GULP1: variants seen among roughly 807,000 people sequenced by gnomAD.
The protein encoded by GULP1 is PTB domain-containing engulfment adapter protein 1.
In GULP1, 19 loss-of-function variants were observed where a neutral mutation model predicts 40.9. The observed-to-expected ratio is 0.46, with a 90% confidence interval of 0.32 to 0.68. GULP1 has a LOEUF of 0.68. Ranked by LOEUF, GULP1 falls within the 30% of genes least tolerant of loss-of-function variation. The pLI is 0.03. For missense variants in GULP1, 312 were observed against 362.2 expected, an observed-to-expected ratio of 0.86 and a Z score of 1.12; for synonymous variants, 119 against 117.6, an observed-to-expected ratio of 1.01 and a Z score of -0.08.
chr2:188,370,879 G>A (rs1272321825), intron 1 of GULP1, among the ~76,000 whole-genome samples: 1 of 152,174 alleles, frequency 6.6e-6, no homozygotes, highest in Non-Finnish European at 1.5e-5. Context: ...GTGTGTGTGT[G>A]TGATGATTGT....
At chr2:188,566,794 CAAAAAAAAA>C (rs11350294) in intron 7 of GULP1, among the ~76,000 whole-genome samples, 3 of 26,918 alleles carry the variant, frequency 1.1e-4, no homozygotes, top group South Asian at 2.6e-3. Context: ...GACTCCATCT[CAAAAAAAAA>C]AAAAAAAAAA....
At chr2:188,555,624 T>C (rs1246687861) in intron 7 of GULP1, among the ~76,000 whole-genome samples, 1 of 152,224 alleles carries the variant, frequency 6.6e-6, no homozygotes, top group Non-Finnish European at 1.5e-5. Flanking sequence ...CGCTTTCCTC[T>C]TGCTGTTTTT....
At chr2:188,458,610 A>T (rs1024700574) in intron 2 of GULP1, among the ~76,000 whole-genome samples, 3 of 152,178 alleles carry the variant, frequency 2.0e-5, no homozygotes, top group Admixed American at 1.3e-4. Flanking sequence ...CAGACATGCA[A>T]TGCATAATAA....
At chr2:188,323,661 T>A (rs2040332527) in intron 1 of GULP1, among the ~76,000 whole-genome samples, 2 of 97,172 alleles carry the variant, frequency 2.1e-5, no homozygotes, top group Non-Finnish European at 4.9e-5. Flanking sequence ...TGTGTGTGTG[T>A]GTGTGTGTGT....
chr2:188,554,420 T>C (rs1032747241), intron 7 of GULP1, among the ~76,000 whole-genome samples: 2 of 151,952 alleles, frequency 1.3e-5, no homozygotes, highest in Non-Finnish European at 2.9e-5. Context: ...CAGGAGCATG[T>C]TGTTTAATTT....
chr2:188,513,640 A>G (rs1458718295), intron 4 of GULP1, among the ~76,000 whole-genome samples: 2 of 152,178 alleles, frequency 1.3e-5, no homozygotes, highest in African/African-American at 2.4e-5. Flanking sequence ...GTGAACATAT[A>G]TTAATATTAA....
chr2:188,318,805 C>T (rs549427574), intron 1 of GULP1, among the ~76,000 whole-genome samples: 2 of 152,266 alleles, frequency 1.3e-5, no homozygotes, highest in South Asian at 2.1e-4. Context: ...CTTTTAGCTG[C>T]TATTCTAGGC....
chr2:188,419,454 G>A (rs2055061513), intron 2 of GULP1, among the ~76,000 whole-genome samples: 1 of 151,742 alleles, frequency 6.6e-6, no homozygotes, highest in African/African-American at 2.4e-5. Context: ...TTGGATTAGT[G>A]ATGCTGAGAA....
At chr2:188,520,787 G>A (rs564751335) in intron 4 of GULP1, among the ~76,000 whole-genome samples, 6 of 151,960 alleles carry the variant, frequency 3.9e-5, no homozygotes, top group South Asian at 2.1e-4. Context: ...AATATAATTC[G>A]CTTGCCCTAC....
At chr2:188,335,635 A>G (rs2042159186) in intron 1 of GULP1, among the ~76,000 whole-genome samples, 1 of 152,174 alleles carries the variant, frequency 6.6e-6, no homozygotes, top group Non-Finnish European at 1.5e-5. Flanking sequence ...GGCTATTTTC[A>G]GTGACTTCCG....
At chr2:188,573,945 C>T (rs535018504) in intron 9 of GULP1, among the ~76,000 whole-genome samples, 318 of 152,230 alleles carry the variant, frequency 2.1e-3, no homozygotes, top group African/African-American at 7.4e-3. Context: ...TTTTTCAAGT[C>T]ACAGAAAGGT....
intron 1 of GULP1, among the ~76,000 whole-genome samples, chr2:188,372,440 A>G (rs2047722191): frequency 6.6e-6 from 1 of 152,022 alleles, no homozygotes; most frequent in Non-Finnish European, 1.5e-5. Flanking sequence ...CTCTGACATC[A>G]CTTGTTGGAA....
chr2:188,375,593 C>G (rs915261289), intron 1 of GULP1, among the ~76,000 whole-genome samples: 1 of 152,146 alleles, frequency 6.6e-6, no homozygotes. Context: ...TTCATTAATA[C>G]TGAAATGTAT....
intron 1 of GULP1, among the ~76,000 whole-genome samples, chr2:188,343,112 A>G (rs1184910943): frequency 6.6e-6 from 1 of 152,172 alleles, no homozygotes; most frequent in Non-Finnish European, 1.5e-5. Flanking sequence ...GACATCAGAC[A>G]AATCTGGATG....
chr2:188,476,159 A>G (rs1382600483), intron 2 of GULP1, among the ~76,000 whole-genome samples: 1 of 152,180 alleles, frequency 6.6e-6, no homozygotes, highest in Non-Finnish European at 1.5e-5. Flanking sequence ...AATGTAATGC[A>G]TTAGAATTAG....
At chr2:188,447,753 A>G (rs918575113) in intron 2 of GULP1, among the ~76,000 whole-genome samples, 2 of 151,996 alleles carry the variant, frequency 1.3e-5, no homozygotes, top group African/African-American at 4.8e-5. Context: ...TAGTATATCA[A>G]CTCTTCAGCA....
intron 1 of GULP1, among the ~76,000 whole-genome samples, chr2:188,358,352 G>A (rs2045639229): frequency 6.6e-6 from 1 of 152,174 alleles, no homozygotes; most frequent in South Asian, 2.1e-4. Flanking sequence ...GATGGGATAG[G>A]ATAGGGAGTG....
intron 4 of GULP1, among the ~76,000 whole-genome samples, chr2:188,512,394 A>C (rs1051269977): frequency 1.2e-4 from 19 of 152,128 alleles, no homozygotes; most frequent in Non-Finnish European, 2.6e-4. Flanking sequence ...TCTGTAGAGA[A>C]CATATTATCT....
intron 4 of GULP1, among the ~76,000 whole-genome samples, chr2:188,486,008 C>T (rs1575547651): frequency 6.6e-6 from 1 of 151,948 alleles, no homozygotes; most frequent in East Asian, 1.9e-4. Flanking sequence ...AATAACTGGG[C>T]ACTATAACTT....
Sources: allele counts gnomAD v4.1 joint callset (sites outside exome capture counted in the v4.1 genomes callset), GRCh38; gene constraint gnomAD v4.1.1; transcripts MANE v1.5; gene names NCBI Gene and HGNC (gene_info 2026-07-23, HGNC 2026-07-21).